Variants in KIF26B observed in about 807,000 individuals in gnomAD.
KIF26B encodes the protein kinesin-like protein KIF26B.
In KIF26B, 63 loss-of-function variants were observed where a neutral mutation model predicts 151.2. The observed-to-expected ratio is 0.42, with a 90% confidence interval of 0.34 to 0.51. The LOEUF (loss-of-function observed/expected upper bound fraction) is 0.51, where lower values mean the gene tolerates loss of function less well. KIF26B is among the 20% of genes least tolerant of loss of function. The pLI is 0.07. For missense variants in KIF26B, 2,813 were observed against 2,913.6 expected, an observed-to-expected ratio of 0.97 and a Z score of 0.79; for synonymous variants, 1,357 against 1,262.1, an observed-to-expected ratio of 1.08 and a Z score of -1.59.
At chr1:245,514,742 C>G (rs934567431) in intron 4 of KIF26B, among the ~76,000 whole-genome samples, 2 of 152,122 alleles carry the variant, frequency 1.3e-5, no homozygotes, top group African/African-American at 2.4e-5. Flanking sequence ...TAGGTAACAT[C>G]TGAATGTAGT....
At chr1:245,525,749 G>A (rs570009102) in intron 4 of KIF26B, among the ~76,000 whole-genome samples, 1 of 152,272 alleles carries the variant, frequency 6.6e-6, no homozygotes, top group South Asian at 2.1e-4. Context: ...GTTCCTAGAA[G>A]CGCCATCAAA....
chr1:245,583,721 T>C (rs549432507), intron 5 of KIF26B, among the ~76,000 whole-genome samples: 18 of 152,266 alleles, frequency 1.2e-4, no homozygotes, highest in African/African-American at 4.3e-4. Context: ...CTGGGTTACA[T>C]CACCACCTCA....
chr1:245,630,115 C>T (rs181872502), intron 9 of KIF26B, among the ~76,000 whole-genome samples: 14 of 152,218 alleles, frequency 9.2e-5, no homozygotes, highest in Admixed American at 7.2e-4. Flanking sequence ...GAAATAGAAA[C>T]GCTTTCACAT....
intron 2 of KIF26B, among the ~76,000 whole-genome samples, chr1:245,270,656 T>C (rs555814344): frequency 2.9e-3 from 446 of 152,316 alleles, no homozygotes; most frequent in African/African-American, 0.01. Flanking sequence ...GAATTCCTTG[T>C]ATATTTTAGA....
intron 4 of KIF26B, among the ~76,000 whole-genome samples, chr1:245,425,005 T>G (rs1658585894): frequency 6.6e-6 from 1 of 151,898 alleles, no homozygotes; most frequent in Admixed American, 6.6e-5. Flanking sequence ...AGACAACTGA[T>G]CGTCAAGTTG....
At position 245,431,400 on chromosome 1, in the gene KIF26B, A is replaced by T. The variant is rs554135136; in HGVS notation, c.1166+11655A>T. Among the ~76,000 whole-genome samples the T allele has an allele frequency of 1.3e-4, 19 of 150,242 alleles. No individual in the cohort carries two copies. The South Asian group carries it at 1.7e-3, about 13-fold the overall frequency. On this transcript the variant is annotated intron_variant, in intron 4 of 14. Coordinates refer to ENST00000407071, the MANE Select transcript of KIF26B (RefSeq NM_018012.4). Reference sequence around the variant, plus strand: ...TGCATTGTCGCCCAGGCTAGGGTGCAGTGGTGCGATCTCGGCTCACTGCAA... The same window carrying T: ...TGCATTGTCGCCCAGGCTAGGGTGCTGTGGTGCGATCTCGGCTCACTGCAA...
In KIF26B at chr1:245,230,147, C is replaced by CAAAAG. The variant is rs1553336823; in HGVS notation, c.465+73468_465+73469insGAAAA. 5.9e-5 allele frequency among the ~76,000 whole-genome samples: 8 copies of CAAAAG among 136,632 alleles called. No individual in the cohort carries two copies. The South Asian group carries it at 9.3e-4, about 16-fold the overall frequency. The allele number at this position is 136,632 out of a possible 152,430, so 89.6% of individuals were successfully genotyped here. A position where few individuals can be genotyped will look rare whatever the true frequency, so the allele number is the denominator to read the frequency against. ...GACTCCATCTAAAAACAAAACAAAA[C>CAAAAG]AAAAAGCAAAAAAAAAAAAACAACA... is the stretch of plus-strand genomic sequence containing the variant. On this transcript the variant is annotated intron_variant, in intron 2 of 14. Transcript: ENST00000407071.
chr1:245,335,305 T>C (rs1672198290), intron 2 of KIF26B, among the ~76,000 whole-genome samples: 1 of 152,224 alleles, frequency 6.6e-6, no homozygotes, highest in African/African-American at 2.4e-5. Flanking sequence ...TTCCCCTTTT[T>C]GGCTTTGCCT....
At chr1:245,571,753 C>T (rs1054525098) in intron 5 of KIF26B, among the ~76,000 whole-genome samples, 1 of 152,150 alleles carries the variant, frequency 6.6e-6, no homozygotes, top group African/African-American at 2.4e-5. Flanking sequence ...TACCAAGGAA[C>T]CTTCGCTATA....
rs528039639 is a variant in KIF26B at position 245,540,076 on chromosome 1, C to A, written c.1167-691C>A. 6.6e-6 allele frequency among the ~76,000 whole-genome samples: 1 copy of A among 152,184 alleles called. No individual in the cohort carries two copies. Among genetic ancestry groups the A allele is most frequent in the Non-Finnish European group, 1.5e-5 (1 of 68,036 alleles). ...CCTTTCCCTGCCTTCACACTCTGTG[C>A]CCCCTTCAGTGCTTTGACCCCTTAC... On this transcript the variant is annotated intron_variant, in intron 4 of 14. Coordinates refer to ENST00000407071, the MANE Select transcript of KIF26B (RefSeq NM_018012.4). This position sits in a 1 kb window ranked among gnomAD's most constrained non-coding sequence, Gnocchi z 4.6.
At chr1:245,324,287 C>G (rs1415627155) in intron 2 of KIF26B, among the ~76,000 whole-genome samples, 1 of 152,120 alleles carries the variant, frequency 6.6e-6, no homozygotes, top group Non-Finnish European at 1.5e-5. Flanking sequence ...GAATAGACTC[C>G]CTATGGTGGA....
At chr1:245,501,497 G>C (rs1660618521) in intron 4 of KIF26B, among the ~76,000 whole-genome samples, 1 of 152,182 alleles carries the variant, frequency 6.6e-6, no homozygotes, top group Admixed American at 6.5e-5. Flanking sequence ...TTCTTAAGAA[G>C]CCAGTGGAAT....
chr1:245,541,872 G>A (rs992068956), intron 5 of KIF26B, among the ~76,000 whole-genome samples: 41 of 152,096 alleles, frequency 2.7e-4, no homozygotes, highest in Non-Finnish European at 4.6e-4. Context: ...TCATGGCTGG[G>A]TTTCTGGGCC....
chr1:245,262,344 G>A (rs924149410), intron 2 of KIF26B, among the ~76,000 whole-genome samples: 3 of 152,134 alleles, frequency 2.0e-5, no homozygotes, highest in African/African-American at 7.2e-5. Flanking sequence ...AAGAGACATT[G>A]GAAGACATGG....
chr1:245,386,484 C>T (rs1673549190), intron 3 of KIF26B, among the ~76,000 whole-genome samples: 1 of 152,116 alleles, frequency 6.6e-6, no homozygotes, highest in Non-Finnish European at 1.5e-5. Context: ...GGGGTCAGGG[C>T]TGGAGGGCTC....
Position 245,406,719 on chromosome 1 carries a change from G to A in KIF26B, c.1000-12860G>A, listed in dbSNP as rs573824096. ...ACTCTGCAACAGTTACATAAAGCAC[G>A]TATTCAATAGTCAAAAATTCCAAGC... On this transcript the variant is annotated intron_variant, in intron 3 of 14. Transcript: ENST00000407071. Among the ~76,000 whole-genome samples the A allele has an allele frequency of 2.0e-5, 3 of 152,200 alleles. No individual in the cohort carries two copies. The South Asian group carries it at 6.2e-4, about 32-fold the overall frequency.
At position 245,687,556 on chromosome 1, in the gene KIF26B, C is replaced by T. The variant is rs753816701; in HGVS notation, c.4573C>T (p.Pro1525Ser). The T allele has an allele frequency of 2.6e-6, 4 of 1,565,416 alleles. No homozygotes were observed. In the South Asian group the frequency reaches 3.5e-5, roughly 14 times the overall value. The change falls in exon 12 of 15, where the codon CCC becomes TCC. Residue 1525 changes from proline to serine, a missense_variant. By Grantham distance (74) the Pro-to-Ser change is moderately conservative. Around this residue, in one of 3 missense-constraint regions of KIF26B, gnomAD observed 2,060 missense variants for 2,088.6 expected, o/e 0.99. Coordinates refer to ENST00000407071, the MANE Select transcript of KIF26B (RefSeq NM_018012.4). This position sits in a 1 kb window ranked among gnomAD's most constrained non-coding sequence, Gnocchi z 4.9. ...MALPGLATQSPVHPNKSVKSS... is the reference protein window; with the variant it reads ...MALPGLATQSSVHPNKSVKSS... ...CCTGCCCGGTTTGGCCACCCAGAGC[C>T]CCGTGCATCCCAACAAAAGCGTCAA...
At chr1:245,551,955 A>C (rs974564355) in intron 5 of KIF26B, among the ~76,000 whole-genome samples, 28 of 152,150 alleles carry the variant, frequency 1.8e-4, no homozygotes, top group Admixed American at 7.2e-4. Flanking sequence ...TTCCATGTTC[A>C]GTGGGTCTCC....
chr1:245,415,588 G>T (rs748274029), intron 3 of KIF26B, among the ~76,000 whole-genome samples: 2 of 152,140 alleles, frequency 1.3e-5, no homozygotes, highest in Non-Finnish European at 2.9e-5. Context: ...CAATGGATAT[G>T]ATTGTAATTG....
Sources: allele counts gnomAD v4.1 joint callset (sites outside exome capture counted in the v4.1 genomes callset), GRCh38; gene constraint gnomAD v4.1.1; regional missense constraint gnomAD v4.1.1; non-coding constraint Gnocchi (gnomAD v3.1); transcripts MANE v1.5; gene names NCBI Gene and HGNC (gene_info 2026-07-23, HGNC 2026-07-21).